The following TOX4 variants were observed in gnomAD, a reference collection of about 807,000 sequenced individuals.
TOX4 encodes the protein epidermal Langerhans cell protein LCP1.
In TOX4, 12 loss-of-function variants were observed where a neutral mutation model predicts 61.0. That is an observed-to-expected ratio of 0.20 (90% CI 0.13 to 0.32). The LOEUF (loss-of-function observed/expected upper bound fraction) is 0.32, where lower values mean the gene tolerates loss of function less well. Among genes scored for constraint, TOX4 ranks in the 10% least tolerant of loss-of-function variants. TOX4 has a pLI of 1.00. For missense variants in TOX4, 499 were observed against 753.3 expected, an observed-to-expected ratio of 0.66 and a Z score of 3.95; for synonymous variants, 268 against 274.8, an observed-to-expected ratio of 0.98 and a Z score of 0.24.
At position 21,498,706 on chromosome 14, in the gene TOX4, T is replaced by C; in HGVS notation, c.*2100T>C. ...TCTGTTAAGGGGTGAAAGATGTAAT[T>C]ATTGACAGATTAAATAGATAACTTC... is the stretch of plus-strand genomic sequence containing the variant. On this transcript the variant is annotated 3_prime_UTR_variant, in exon 9 of 9. Transcript: ENST00000448790. 1 of 462,374 alleles carries C rather than the reference T, an allele frequency of 2.2e-6. No homozygotes were observed. The highest frequency in any genetic ancestry group is 2.8e-5 in the South Asian group (1 of 35,302). The allele number at this position is 462,374 out of a possible 1,614,324, so 28.6% of individuals were successfully genotyped here.
intron 7 of TOX4, 105 bp from the exon 8 acceptor site, chr14:21,495,124 A>G (rs1490228553): frequency 1.5e-6 from 2 of 1,339,052 alleles, no homozygotes; most frequent in Non-Finnish European, 2.1e-6. Context: ...AGTGTGAGGA[A>G]TTCTAATACC....
intron 7 of TOX4, among the ~76,000 whole-genome samples, chr14:21,494,409 C>T (rs1891356082): frequency 2.0e-5 from 3 of 151,386 alleles, no homozygotes; most frequent in Admixed American, 1.3e-4. Context: ...AGTTCAGGAC[C>T]AGCCTGGCCA....
chr14:21,482,274 C>A (rs1483395307), intron 2 of TOX4, among the ~76,000 whole-genome samples: 1 of 152,254 alleles, frequency 6.6e-6, no homozygotes, highest in Non-Finnish European at 1.5e-5. Context: ...AGAACCAGTT[C>A]ATTATTTCTG....
rs1419991574 is a variant in TOX4, at chr14:21,495,264, G to C, written c.1677G>C (p.Val559=). ...ESPSQMDVEL[V]SGSPVALSPQ... Reference sequence around the variant, plus strand: ...CTTCTCAGATGGATGTTGAATTGGTGAGTGGGTCTCCTGTGGCACTCTCAC... The same window carrying C: ...CTTCTCAGATGGATGTTGAATTGGTCAGTGGGTCTCCTGTGGCACTCTCAC... Residue 559 remains valine (V), a synonymous_variant, in exon 8 of 9, where the codon GTG becomes GTC. Coordinates refer to ENST00000448790, the MANE Select transcript of TOX4 (RefSeq NM_014828.4). The C allele has an allele frequency of 1.9e-6, 3 of 1,614,148 alleles. No individual in the cohort carries two copies. In the Admixed American group the frequency reaches 5.0e-5, roughly 27 times the overall value.
In TOX4 at chr14:21,484,775, C is replaced by T. The variant is rs1439308616; in HGVS notation, c.76-2676C>T. Among the ~76,000 whole-genome samples, 7 of 106,098 alleles carry T rather than the reference C, an allele frequency of 6.6e-5. 1 individual carries two copies. Among genetic ancestry groups the T allele is most frequent in the Non-Finnish European group, 1.2e-4 (6 of 48,198 alleles). The allele number at this position is 106,098 out of a possible 152,430, so 69.6% of individuals were successfully genotyped here. On this transcript the variant is annotated intron_variant, in intron 2 of 8. Transcript: ENST00000448790. Reference sequence around the variant, plus strand: ...CTGAGTTCAAGTGATCCTCGTGCCTCAGCCTCTCGAGTAGCTAGGATTATA... The same window carrying T: ...CTGAGTTCAAGTGATCCTCGTGCCTTAGCCTCTCGAGTAGCTAGGATTATA...
chr14:21,484,418 G>A (rs1342905878), intron 2 of TOX4, among the ~76,000 whole-genome samples: 5 of 125,830 alleles, frequency 4.0e-5, no homozygotes, highest in African/African-American at 1.2e-4. Context: ...GCACAATCTC[G>A]GCTCACTGCA....
chr14:21,488,312 A>G (rs1027731302), intron 3 of TOX4: 8 of 371,608 alleles, frequency 2.2e-5, no homozygotes, highest in Non-Finnish European at 3.9e-5. Context: ...CTACCTATAT[A>G]TTACTGAATA....
rs1187003785 is a variant in TOX4, at chr14:21,477,732, G to A, written c.75+168G>A. 20 of 658,400 alleles carry A rather than the reference G, an allele frequency of 3.0e-5. No homozygotes were observed. The East Asian group carries it at 5.5e-4, about 18-fold the overall frequency. The allele number at this position is 658,400 out of a possible 1,614,324, so 40.8% of individuals were successfully genotyped here. ...TCTAGAGCCTGTGGGGACTATCTGG[G>A]GAAGTCTTGGGAAGTTGCTGTCATC... On this transcript the variant is annotated intron_variant, in intron 2 of 8. Transcript: ENST00000448790.
rs771980775 is a variant in TOX4 at position 21,492,894 on chromosome 14, A to G, written c.1278A>G (p.Ala426=). 5.0e-6 allele frequency: 8 copies of G among 1,605,780 alleles called. No individual in the cohort carries two copies. The highest frequency in any genetic ancestry group is 4.4e-5 in the South Asian group (4 of 90,210). ...TTGTCACTCGGTCAGTGTTGCAGGCAGCAGCAGCTGCTGCTGCTGCTGCTT... is the reference window on the plus strand; with the variant it reads ...TTGTCACTCGGTCAGTGTTGCAGGCGGCAGCAGCTGCTGCTGCTGCTGCTT... ...AQIVTRSVLQ[A]AAAAAAAASM... is the part of the protein sequence containing the mutation. Residue 426 remains alanine, a synonymous_variant, in exon 7 of 9, where the codon GCA becomes GCG. Coordinates refer to ENST00000448790, the MANE Select transcript of TOX4 (RefSeq NM_014828.4).
At chr14:21,482,563 A>G (rs1156448127) in intron 2 of TOX4, 4 of 469,266 alleles carry the variant, frequency 8.5e-6, no homozygotes, top group Admixed American at 2.4e-5. Context: ...CCCTCCTTCA[A>G]AAAGGCCCAG....
chr14:21,481,170 G>C (rs1349706263), intron 2 of TOX4, among the ~76,000 whole-genome samples: 1 of 152,140 alleles, frequency 6.6e-6, no homozygotes, highest in Non-Finnish European at 1.5e-5. Flanking sequence ...AGTGAGAGTT[G>C]GCAAGGATGT....
rs1330705797 is a variant in TOX4, at chr14:21,485,276, A to G, written c.76-2175A>G. ...ACTAAAAATACAAAATTAGCCGGGCATGGTGGCACATGTCTGTAATCCCAG... is the reference window on the plus strand; with the variant it reads ...ACTAAAAATACAAAATTAGCCGGGCGTGGTGGCACATGTCTGTAATCCCAG... On this transcript the variant is annotated intron_variant, in intron 2 of 8. Transcript: ENST00000448790. 1.9e-5 allele frequency among the ~76,000 whole-genome samples: 2 copies of G among 105,436 alleles called. 1 individual carries two copies. The highest frequency in any genetic ancestry group is 4.2e-5 in the Non-Finnish European group (2 of 48,098). 69.2% of individuals were successfully genotyped at this position (105,436 alleles called of 152,430 possible).
rs917594601 is a variant in TOX4 at position 21,495,210 on chromosome 14, A to G, written c.1642-19A>G. 5 of 1,612,540 alleles carry G rather than the reference A, an allele frequency of 3.1e-6. No homozygotes were observed. The highest frequency in any genetic ancestry group is 4.2e-6 in the Non-Finnish European group (5 of 1,179,522). On this transcript the variant is annotated intron_variant, in intron 7 of 8. Transcript: ENST00000448790. ...AGGGAGCAATCTAATCCACCTTGGT[A>G]CTCTTCTTCTTCTCACAGGTTGAGT...
chr14:21,498,323 C>G lies in TOX4; in HGVS notation c.*1717C>G. On this transcript the variant is annotated 3_prime_UTR_variant, in exon 9 of 9. Coordinates refer to ENST00000448790, the MANE Select transcript of TOX4 (RefSeq NM_014828.4). ...CTTTGCTTGAACCGTGCAACCACAT[C>G]TGGGTCTAGTAGGTGGATCCCATCC... 6.2e-7 allele frequency: 1 copy of G among 1,614,170 alleles called. No homozygotes were observed. Among genetic ancestry groups the G allele is most frequent in the Non-Finnish European group, 8.5e-7 (1 of 1,180,028 alleles).
Position 21,499,159 on chromosome 14 carries a change from C to T in TOX4, c.*2553C>T, listed in dbSNP as rs2139638559. On this transcript the variant is annotated 3_prime_UTR_variant, in exon 9 of 9. Transcript: ENST00000448790. ...GAACCTAGGAAATAAAAACTAGCTG[C>T]TTTTTAAGTTACACAAGATTGCAAT... 1.9e-6 allele frequency: 3 copies of T among 1,598,792 alleles called. No homozygotes were observed. Among genetic ancestry groups the T allele is most frequent in the East Asian group, 2.2e-5 (1 of 44,786 alleles).
Position 21,477,445 on chromosome 14 carries a change from T to A in TOX4, c.7-51T>A, listed in dbSNP as rs373929897. ...AGGGTCAAAAGCCATCGCTCCAAGC[T>A]GACTCCCTGCTCCCCCTAACTTATC... On this transcript the variant is annotated intron_variant, in intron 1 of 8. Coordinates refer to ENST00000448790, the MANE Select transcript of TOX4 (RefSeq NM_014828.4). 5.6e-6 allele frequency: 9 copies of A among 1,611,526 alleles called. No homozygotes were observed. In the African/African-American group the frequency reaches 1.1e-4, roughly 19 times the overall value.
At chr14:21,478,374 C>T (rs1891044850) in intron 2 of TOX4, among the ~76,000 whole-genome samples, 1 of 152,226 alleles carries the variant, frequency 6.6e-6, no homozygotes, top group South Asian at 2.1e-4. Context: ...TTTCAATTTG[C>T]CAGTGACTCA....
chr14:21,491,449 T>A (rs1054626494), intron 5 of TOX4, among the ~76,000 whole-genome samples: 1 of 152,034 alleles, frequency 6.6e-6, no homozygotes, highest in African/African-American at 2.4e-5. Flanking sequence ...AAGCTCTATC[T>A]CCCAGGTTCA....
At chr14:21,490,011 C>T (rs559921486) in intron 5 of TOX4, among the ~76,000 whole-genome samples, 8 of 151,860 alleles carry the variant, frequency 5.3e-5, no homozygotes, top group South Asian at 2.1e-4. Flanking sequence ...GGGAGACCCC[C>T]GTCTCACAGA....
Sources: allele counts gnomAD v4.1 joint callset (sites outside exome capture counted in the v4.1 genomes callset), GRCh38; gene constraint gnomAD v4.1.1; transcripts MANE v1.5; gene names NCBI Gene and HGNC (gene_info 2026-07-23, HGNC 2026-07-21).